Variants in NEGR1 observed in about 807,000 individuals in gnomAD.
NEGR1 encodes the protein IgLON family member 4.
Under a neutral mutation model 40.9 loss-of-function variants are expected in NEGR1, and 10 were observed. That is an observed-to-expected ratio of 0.24 (90% CI 0.15 to 0.42). The LOEUF (loss-of-function observed/expected upper bound fraction) is 0.42, where lower values mean the gene tolerates loss of function less well. NEGR1 is among the 10% of genes least tolerant of loss of function. NEGR1 has a pLI of 1.00. For missense variants in NEGR1, 352 were observed against 438.9 expected (o/e 0.80, Z 1.77); for synonymous variants, 185 against 166.8 (o/e 1.11, Z -0.84).
chr1:72,197,220 C>G (rs901410095), intron 1 of NEGR1, among the ~76,000 whole-genome samples: 5 of 151,876 alleles, frequency 3.3e-5, no homozygotes, highest in African/African-American at 1.2e-4. Flanking sequence ...TAATTTTAAT[C>G]ACTACAGTGA....
chr1:72,088,876 T>G (rs911427949), intron 1 of NEGR1, among the ~76,000 whole-genome samples: 5 of 141,632 alleles, frequency 3.5e-5, no homozygotes, highest in Admixed American at 3.0e-4. Context: ...AGTGGTGCAA[T>G]CTCAGCTCAC....
At chr1:71,618,932 C>G (rs1650527135) in intron 4 of NEGR1, among the ~76,000 whole-genome samples, 1 of 152,094 alleles carries the variant, frequency 6.6e-6, no homozygotes, top group Non-Finnish European at 1.5e-5. Flanking sequence ...TAGTGGATCT[C>G]TAAGCTGTAT....
Position 71,577,854 on chromosome 1 carries a change from T to C in NEGR1, c.940+14963A>G, listed in dbSNP as rs557053771. ...ATCACAAAAGATAATAATGTTGTCC[T>C]TTATATTTGAAGATAATGATTCTGA... On this transcript the variant is annotated intron_variant, in intron 6 of 6. Coordinates refer to ENST00000357731, the MANE Select transcript of NEGR1 (RefSeq NM_173808.3). Among the ~76,000 whole-genome samples, 9 of 152,260 alleles carry C rather than the reference T, an allele frequency of 5.9e-5. No individual in the cohort carries two copies. The East Asian group carries it at 1.7e-3, about 29-fold the overall frequency.
At chr1:72,107,655 A>C (rs1261613932) in intron 1 of NEGR1, among the ~76,000 whole-genome samples, 1 of 151,440 alleles carries the variant, frequency 6.6e-6, no homozygotes, top group Non-Finnish European at 1.5e-5. Flanking sequence ...ATTTAAATAA[A>C]TTATTTTATC....
At chr1:72,278,562 A>G (rs989932266) in intron 1 of NEGR1, among the ~76,000 whole-genome samples, 1 of 152,070 alleles carries the variant, frequency 6.6e-6, no homozygotes, top group Admixed American at 6.6e-5. Flanking sequence ...GATTTTTTTA[A>G]GTCTCCTGAA....
intron 1 of NEGR1, among the ~76,000 whole-genome samples, chr1:72,033,120 G>A (rs1646873594): frequency 1.3e-5 from 2 of 151,958 alleles, no homozygotes. Context: ...ATAATAGCAA[G>A]AACACTTCTA....
chr1:72,265,097 A>G (rs1039288460), intron 1 of NEGR1, among the ~76,000 whole-genome samples: 8 of 151,006 alleles, frequency 5.3e-5, no homozygotes, highest in African/African-American at 1.9e-4. Context: ...ATATCACACT[A>G]CTAATTTCTG....
chr1:71,852,008 C>A (rs560028457), intron 2 of NEGR1, among the ~76,000 whole-genome samples: 286 of 152,200 alleles, frequency 1.9e-3, no homozygotes, highest in African/African-American at 6.7e-3. Flanking sequence ...GTATAAAGGG[C>A]ACAGACTTTG....
chr1:71,709,856 C>T (rs978634874), intron 3 of NEGR1, among the ~76,000 whole-genome samples: 20 of 152,126 alleles, frequency 1.3e-4, no homozygotes, highest in Non-Finnish European at 2.6e-4. Context: ...CCAAAGCGAA[C>T]ATGGACAAAT....
At chr1:72,119,050 T>A (rs1180119317) in intron 1 of NEGR1, among the ~76,000 whole-genome samples, 3 of 151,812 alleles carry the variant, frequency 2.0e-5, no homozygotes, top group Non-Finnish European at 2.9e-5. Flanking sequence ...TATCCAACCT[T>A]TTCCAAGATA....
At chr1:71,811,896 T>TATTTTATTTTA (rs1658015855) in intron 2 of NEGR1, among the ~76,000 whole-genome samples, 1 of 151,062 alleles carries the variant, frequency 6.6e-6, no homozygotes, top group Non-Finnish European at 1.5e-5. Context: ...TATTTTATTT[T>TATTTTATTTTA]ATTTTATTTT....
Position 71,430,920 on chromosome 1 carries a change from C to T in NEGR1, c.941-23350G>A, listed in dbSNP as rs372821685. 5.3e-5 allele frequency among the ~76,000 whole-genome samples: 8 copies of T among 151,884 alleles called. No individual in the cohort carries two copies. The East Asian group carries it at 9.8e-4, about 19-fold the overall frequency. ...GACTACAGGCGCCCACCACCGGGCCCGACTAATTTTTTGTATTTTTAGTAG... is the reference window on the plus strand; with the variant it reads ...GACTACAGGCGCCCACCACCGGGCCTGACTAATTTTTTGTATTTTTAGTAG... On this transcript the variant is annotated intron_variant, in intron 6 of 6. Transcript: ENST00000357731.
chr1:71,708,602 A>AT (rs34403391), intron 3 of NEGR1, among the ~76,000 whole-genome samples: 22 of 150,750 alleles, frequency 1.5e-4, no homozygotes, highest in African/African-American at 1.9e-4. Flanking sequence ...CAGAGTTTTT[A>AT]TTTTTTTTTT....
rs553473501 is a variant in NEGR1 at position 72,168,759 on chromosome 1, G to T, written c.176+113560C>A. The stretch of plus-strand genomic sequence containing the variant: ...AAAAAATAAAAAATTAATTCGCCAG[G>T]TGTGGTGGCTTGCGCCTGTAGTCCT... On this transcript the variant is annotated intron_variant, in intron 1 of 6. Coordinates refer to ENST00000357731, the MANE Select transcript of NEGR1 (RefSeq NM_173808.3). Among the ~76,000 whole-genome samples the T allele has an allele frequency of 1.1e-3, 162 of 152,240 alleles. 1 individual carries two copies. Among genetic ancestry groups the T allele is most frequent in the African/African-American group, 3.6e-3 (150 of 41,558 alleles).
intron 1 of NEGR1, among the ~76,000 whole-genome samples, chr1:72,168,419 A>G (rs1651844641): frequency 6.6e-6 from 1 of 151,738 alleles, no homozygotes; most frequent in African/African-American, 2.4e-5. Context: ...GCCTAAACCC[A>G]CACACACAGG....
intron 1 of NEGR1, among the ~76,000 whole-genome samples, chr1:72,110,271 C>T (rs919199225): frequency 8.1e-6 from 1 of 123,914 alleles, no homozygotes; most frequent in African/African-American, 3.0e-5. Flanking sequence ...TTATATACAA[C>T]ACACAAGTAT....
chr1:72,231,630 T>A (rs1282010884), intron 1 of NEGR1, among the ~76,000 whole-genome samples: 2 of 152,200 alleles, frequency 1.3e-5, no homozygotes, highest in African/African-American at 4.8e-5. Context: ...CCCCAATGAC[T>A]TTGTAATGAT....
chr1:71,878,224 T>C (rs1042180335), intron 2 of NEGR1, among the ~76,000 whole-genome samples: 6 of 152,222 alleles, frequency 3.9e-5, no homozygotes, highest in African/African-American at 1.4e-4. Context: ...TATTACAACA[T>C]ACCTGTATAA....
chr1:72,110,047 C>T (rs1245015067), intron 1 of NEGR1, among the ~76,000 whole-genome samples: 1 of 151,270 alleles, frequency 6.6e-6, no homozygotes, highest in Non-Finnish European at 1.5e-5. Context: ...ACTTTTAGAA[C>T]TTGTCCTGGC....
Sources: allele counts gnomAD v4.1 joint callset (sites outside exome capture counted in the v4.1 genomes callset), GRCh38; gene constraint gnomAD v4.1.1; transcripts MANE v1.5; gene names NCBI Gene and HGNC (gene_info 2026-07-23, HGNC 2026-07-21).